The following ACSL1 variants were observed in gnomAD, a reference collection of about 807,000 sequenced individuals.
ACSL1 encodes long-chain-fatty-acid--CoA ligase 1.
In ACSL1, 41 loss-of-function variants were observed where a neutral mutation model predicts 98.4. The observed-to-expected ratio is 0.42, with a 90% CI of 0.32 to 0.54. The LOEUF is 0.54. Among genes scored for constraint, ACSL1 ranks in the 20% least tolerant of loss-of-function variants. The pLI, the probability that ACSL1 is intolerant of heterozygous loss-of-function variation, is 0.13. For missense variants in ACSL1, 734 were observed against 883.1 expected, an observed-to-expected ratio of 0.83 and a Z score of 2.14; for synonymous variants, 316 against 322.7, an observed-to-expected ratio of 0.98 and a Z score of 0.22.
rs533773065 is a variant in ACSL1, at chr4:184,811,244, A to G, written c.-32-7698T>C. Among the ~76,000 whole-genome samples the G allele has an allele frequency of 3.6e-4, 55 of 152,004 alleles. 1 individual carries two copies. In the South Asian group the frequency reaches 4.8e-3, roughly 13 times the overall value. On this transcript the variant is annotated intron_variant, in intron 1 of 20. Transcript: ENST00000281455. ...CCACCTCAGCCTCCGGAGTAGCTGG[A>G]ACTTCAGGCACCCGCCACCACGCCT...
chr4:184,802,364 G>A (rs1032155763), intron 2 of ACSL1, among the ~76,000 whole-genome samples: 8 of 152,064 alleles, frequency 5.3e-5, no homozygotes, highest in South Asian at 2.1e-4. Flanking sequence ...CAGTCAGCCC[G>A]GGGGGGTGGG....
rs935384573 is a variant in ACSL1, at chr4:184,765,970, C to T, written c.1280G>A (p.Arg427Lys). The change falls in exon 14 of 21, where the codon AGA (arginine) becomes AAA (lysine). Residue 427 changes from arginine (R) to lysine (K), a missense_variant. Arg to Lys is a conservative substitution (Grantham distance 26, BLOSUM62 2). Coordinates refer to ENST00000281455, the MANE Select transcript of ACSL1 (RefSeq NM_001995.5). ...FHKVQSSLGGRVRLMVTGAAP... is the reference protein window; with the variant it reads ...FHKVQSSLGGKVRLMVTGAAP... ...GGCTCCTGTCACCATCAGCCGGACTCTTCCGCCCAGGCTCGACTTTCAGGG... is the reference window on the plus strand; with the variant it reads ...GGCTCCTGTCACCATCAGCCGGACTTTTCCGCCCAGGCTCGACTTTCAGGG... 3 of 1,613,846 alleles carry T rather than the reference C, an allele frequency of 1.9e-6. No homozygotes were observed. The highest frequency in any genetic ancestry group is 3.3e-5 in the Admixed American group (2 of 60,016).
At chr4:184,812,138 G>C (rs1772181325) in intron 1 of ACSL1, 1 of 965,078 alleles carries the variant, frequency 1.0e-6, no homozygotes, top group African/African-American at 1.8e-5. Flanking sequence ...GTGGTACTTA[G>C]CACCTCCTGT....
intron 2 of ACSL1, among the ~76,000 whole-genome samples, chr4:184,789,934 T>C (rs1768057319): frequency 6.6e-6 from 1 of 151,430 alleles, no homozygotes; most frequent in African/African-American, 2.4e-5. Context: ...TACAACAGTC[T>C]GGAAACCCTT....
chr4:184,769,070 A>AATATATATATATATATATATATAT (rs34360556), intron 11 of ACSL1, among the ~76,000 whole-genome samples: 49 of 147,718 alleles, frequency 3.3e-4, no homozygotes, highest in Middle Eastern at 3.5e-3. Flanking sequence ...CTCTGTCTCA[A>AATATATATATATATATATATATAT]ATATATATAT....
Position 184,773,088 on chromosome 4 carries a change from G to A in ACSL1, c.908C>T (p.Ala303Val). 6.2e-7 allele frequency: 1 copy of A among 1,613,772 alleles called. No individual in the cohort carries two copies. The highest frequency in any genetic ancestry group is 1.1e-5 in the South Asian group (1 of 91,070). The change falls in exon 10 of 21, where the codon GCA becomes GTA. Residue 303 changes from alanine to valine, a missense_variant. Ala to Val is a moderately conservative substitution (Grantham distance 64). Coordinates refer to ENST00000281455, the MANE Select transcript of ACSL1 (RefSeq NM_001995.5). This position sits in a 1 kb window ranked among gnomAD's most constrained non-coding sequence, Gnocchi z 4.3. ...GACATCCCAAAAAGTTACCTCTGTT[G>A]CTTTCACAAAAGCTGAACAATCGCT... ...IVSDCSAFVK[A>V]TENTVNPCPD...
intron 3 of ACSL1, among the ~76,000 whole-genome samples, chr4:184,786,789 G>GT (rs1209633928): frequency 2.0e-5 from 3 of 149,442 alleles, no homozygotes; most frequent in Non-Finnish European, 4.4e-5. Flanking sequence ...CACCTCTCCG[G>GT]TTCAAGCGAT....
chr4:184,785,786 G>A (rs1455114763), intron 3 of ACSL1, among the ~76,000 whole-genome samples: 2 of 152,288 alleles, frequency 1.3e-5, no homozygotes, highest in East Asian at 3.9e-4. Flanking sequence ...CTTCAGATCA[G>A]AGGAGAGTCA....
intron 1 of ACSL1, among the ~76,000 whole-genome samples, chr4:184,822,599 C>A (rs1156670833): frequency 1.3e-5 from 2 of 151,984 alleles, no homozygotes; most frequent in African/African-American, 4.8e-5. Flanking sequence ...ATTAGCTGGG[C>A]ATAGTGATGT....
At chr4:184,819,559 G>A (rs1370684724) in intron 1 of ACSL1, among the ~76,000 whole-genome samples, 5 of 152,092 alleles carry the variant, frequency 3.3e-5, no homozygotes, top group African/African-American at 1.2e-4. Flanking sequence ...GACACAGGAA[G>A]GTCAGTCAGG....
intron 1 of ACSL1, chr4:184,814,942 A>T (rs1282668558): frequency 8.9e-6 from 4 of 448,334 alleles, no homozygotes; most frequent in Non-Finnish European, 1.8e-5. Flanking sequence ...TTCCAGGGGG[A>T]TAACCAACTC....
At chr4:184,794,577 C>G (rs992270257) in intron 2 of ACSL1, among the ~76,000 whole-genome samples, 1 of 151,978 alleles carries the variant, frequency 6.6e-6, no homozygotes, top group Non-Finnish European at 1.5e-5. Context: ...ATGGAGCCTG[C>G]TAAAGGCCAG....
At chr4:184,800,055 T>G (rs908835046) in intron 2 of ACSL1, among the ~76,000 whole-genome samples, 1 of 152,174 alleles carries the variant, frequency 6.6e-6, no homozygotes, top group African/African-American at 2.4e-5. Context: ...TATGATATAA[T>G]TTTACCTCTT....
intron 5 of ACSL1, among the ~76,000 whole-genome samples, chr4:184,778,633 C>T (rs1474251199): frequency 6.6e-6 from 1 of 152,190 alleles, no homozygotes; most frequent in Non-Finnish European, 1.5e-5. Flanking sequence ...TTAGGTCTGT[C>T]TTGCCTTACG....
At chr4:184,776,456 A>G in intron 7 of ACSL1, 28 bp downstream of exon 7, 1 of 1,599,622 alleles carries the variant, frequency 6.3e-7, no homozygotes, top group Non-Finnish European at 8.5e-7. Context: ...GAAAGCCTTC[A>G]GAGAAGGGAA....
At chr4:184,802,949 T>C (rs765915211) in intron 2 of ACSL1, among the ~76,000 whole-genome samples, 6 of 152,218 alleles carry the variant, frequency 3.9e-5, no homozygotes, top group Non-Finnish European at 7.3e-5. Flanking sequence ...TTGGTAACAT[T>C]TGTTTGAAAA....
At chr4:184,781,646 T>C (rs1766294392) in intron 4 of ACSL1, among the ~76,000 whole-genome samples, 1 of 152,166 alleles carries the variant, frequency 6.6e-6, no homozygotes, top group South Asian at 2.1e-4. Flanking sequence ...TCTCACTCTG[T>C]TGCCCAAGCT....
At chr4:184,759,717 C>T (rs1309325845) in intron 18 of ACSL1, among the ~76,000 whole-genome samples, 6 of 152,112 alleles carry the variant, frequency 3.9e-5, no homozygotes, top group East Asian at 1.9e-4. Context: ...GAAATAGGAA[C>T]GCTTTTACAC....
At chr4:184,820,910 G>A (rs914142989) in intron 1 of ACSL1, 5 of 411,726 alleles carry the variant, frequency 1.2e-5, no homozygotes, top group African/African-American at 6.1e-5. Flanking sequence ...CCCTCCTGGA[G>A]TGAGAACTTC....
Sources: gnomAD v4.1 joint callset for allele counts (sites outside exome capture counted in the v4.1 genomes callset) on GRCh38, gnomAD v4.1.1 for gene constraint, Gnocchi (gnomAD v3.1) non-coding constraint, MANE v1.5 for transcripts, NCBI Gene and HGNC (gene_info 2026-07-23, HGNC 2026-07-21) for gene names.